PPP1R14C: variants seen among roughly 807,000 people sequenced by gnomAD.
PPP1R14C encodes protein phosphatase 1 regulatory inhibitor subunit 14C.
A neutral mutation model predicts 20.4 loss-of-function variants in PPP1R14C; 16 were observed. The observed-to-expected ratio is 0.78, with a 90% CI of 0.53 to 1.19. The LOEUF is 1.19. PPP1R14C is among the 50% of genes most tolerant of loss of function. PPP1R14C has a pLI of 0.00. For synonymous variants in PPP1R14C, 91 were observed against 91.0 expected, an observed-to-expected ratio of 1.00 and a Z score of 0.00; for missense variants, 211 against 220.1, an observed-to-expected ratio of 0.96 and a Z score of 0.26.
chr6:150,238,559 C>A (rs939143281), intron 3 of PPP1R14C, among the ~76,000 whole-genome samples: 1 of 152,258 alleles, frequency 6.6e-6, no homozygotes, highest in Non-Finnish European at 1.5e-5. Context: ...CTGACAGGGG[C>A]TGTCCTTTGC....
chr6:150,170,316 A>AT (rs1355745305), intron 1 of PPP1R14C, among the ~76,000 whole-genome samples: 1 of 147,210 alleles, frequency 6.8e-6, no homozygotes, highest in East Asian at 2.1e-4. Context: ...TGTGCTAGTT[A>AT]CTTTTTTTTT....
In PPP1R14C at chr6:150,143,626, G is replaced by A. The variant is rs560607402; in HGVS notation, c.306+128G>A. ...CTCCCGGGGACCAAGTGCCAGGAGC[G>A]AGGCGCGGCGCCTTCTCTCCCCCGC... On this transcript the variant is annotated intron_variant, in intron 1 of 3. Transcript: ENST00000361131. This position sits in a 1 kb window ranked among gnomAD's most constrained non-coding sequence, Gnocchi z 5.6. The A allele has an allele frequency of 2.9e-6, 2 of 683,498 alleles. No individual in the cohort carries two copies. The highest frequency in any genetic ancestry group is 4.7e-6 in the Non-Finnish European group (2 of 422,678). 42.3% of individuals were successfully genotyped at this position (683,498 alleles called of 1,614,324 possible).
At position 150,213,770 on chromosome 6, in the gene PPP1R14C, T is replaced by C. The variant is rs540617095; in HGVS notation, c.307-974T>C. ...GTTCAGATTCCAAATCAGTGGGGTC[T>C]TTCACCAAATCCATCTGGCCCTTCT... On this transcript the variant is annotated intron_variant, in intron 1 of 3. Transcript: ENST00000361131. Among the ~76,000 whole-genome samples the C allele has an allele frequency of 2.9e-3, 436 of 152,324 alleles. 2 individuals are homozygous for C. The highest frequency in any genetic ancestry group is 9.9e-3 in the African/African-American group (410 of 41,586).
intron 1 of PPP1R14C, among the ~76,000 whole-genome samples, chr6:150,174,617 A>G (rs553096934): frequency 2.0e-5 from 3 of 152,140 alleles, no homozygotes; most frequent in East Asian, 1.9e-4. Flanking sequence ...GCAGATATTC[A>G]GTGTTCAACG....
chr6:150,207,493 C>T (rs1246522223), intron 1 of PPP1R14C, among the ~76,000 whole-genome samples: 1 of 152,230 alleles, frequency 6.6e-6, no homozygotes, highest in African/African-American at 2.4e-5. Context: ...TCGTTCTTCA[C>T]TCCGGCATCC....
At chr6:150,195,488 C>T (rs1037262257) in intron 1 of PPP1R14C, among the ~76,000 whole-genome samples, 1 of 152,146 alleles carries the variant, frequency 6.6e-6, no homozygotes, top group African/African-American at 2.4e-5. Context: ...GCTGGAACTA[C>T]AGGCACCCAC....
intron 1 of PPP1R14C, among the ~76,000 whole-genome samples, chr6:150,172,745 G>A (rs1777513336): frequency 3.9e-5 from 6 of 152,138 alleles, no homozygotes. Context: ...GAGGGGTGCT[G>A]TAACTGATGT....
At chr6:150,245,467 C>CA (rs771605424) in intron 3 of PPP1R14C, among the ~76,000 whole-genome samples, 21 of 152,202 alleles carry the variant, frequency 1.4e-4, no homozygotes, top group Non-Finnish European at 2.1e-4. Context: ...CCGCCACAGT[C>CA]ACCCTGTCCA....
chr6:150,186,137 TA>T (rs1200823785), intron 1 of PPP1R14C, among the ~76,000 whole-genome samples: 1 of 152,160 alleles, frequency 6.6e-6, no homozygotes, highest in Non-Finnish European at 1.5e-5. Context: ...TCAGGGCTTC[TA>T]AAAAGGAATG....
At chr6:150,241,460 A>G (rs1398312645) in intron 3 of PPP1R14C, among the ~76,000 whole-genome samples, 3 of 152,208 alleles carry the variant, frequency 2.0e-5, no homozygotes, top group African/African-American at 4.8e-5. Flanking sequence ...GAGAACCTCA[A>G]TTCATAGCTG....
chr6:150,216,495 A>AAAACAAAC (rs1188953083), intron 2 of PPP1R14C, among the ~76,000 whole-genome samples: 1 of 152,134 alleles, frequency 6.6e-6, no homozygotes. Context: ...ATTCTGTCTC[A>AAAACAAAC]AAACAAACAA....
chr6:150,208,988 A>G (rs1220534292), intron 1 of PPP1R14C, among the ~76,000 whole-genome samples: 3 of 152,168 alleles, frequency 2.0e-5, no homozygotes, highest in Non-Finnish European at 4.4e-5. Flanking sequence ...TACGCTTCCT[A>G]TGCCAGTTTG....
At chr6:150,214,309 C>T (rs1054295479) in intron 1 of PPP1R14C, among the ~76,000 whole-genome samples, 5 of 152,162 alleles carry the variant, frequency 3.3e-5, no homozygotes, top group East Asian at 1.9e-4. Flanking sequence ...TGTCATCTCC[C>T]GGCTCTATCA....
At chr6:150,180,030 T>C (rs1182154533) in intron 1 of PPP1R14C, among the ~76,000 whole-genome samples, 1 of 152,112 alleles carries the variant, frequency 6.6e-6, no homozygotes, top group Non-Finnish European at 1.5e-5. Context: ...GACAAGACCC[T>C]GTCTCTACCA....
At chr6:150,190,616 G>A (rs551281077) in intron 1 of PPP1R14C, among the ~76,000 whole-genome samples, 1 of 151,964 alleles carries the variant, frequency 6.6e-6, no homozygotes, top group Non-Finnish European at 1.5e-5. Context: ...TAGTAGAGAC[G>A]GTGTTTCACA....
At chr6:150,162,211 C>A (rs1401068383) in intron 1 of PPP1R14C, among the ~76,000 whole-genome samples, 1 of 152,140 alleles carries the variant, frequency 6.6e-6, no homozygotes, top group Non-Finnish European at 1.5e-5. Context: ...TGCGCCTCAA[C>A]ATCCAGCTAA....
intron 2 of PPP1R14C, 36 bp downstream of exon 2, chr6:150,214,863 T>C (rs767305891): frequency 1.4e-6 from 2 of 1,460,134 alleles, no homozygotes; most frequent in Middle Eastern, 1.7e-4. Flanking sequence ...CTTCTAATCA[T>C]GGACACTTGA....
chr6:150,156,504 A>G (rs555222748), intron 1 of PPP1R14C, among the ~76,000 whole-genome samples: 2 of 152,340 alleles, frequency 1.3e-5, no homozygotes, highest in Admixed American at 6.5e-5. Context: ...ATTTCTGCTA[A>G]TGTTAATGGA....
intron 1 of PPP1R14C, among the ~76,000 whole-genome samples, chr6:150,188,459 G>A (rs1319381688): frequency 6.6e-6 from 1 of 151,548 alleles, no homozygotes; most frequent in East Asian, 1.9e-4. Context: ...TGATCGGTGT[G>A]GGAACAGAAG....
Sources: gnomAD v4.1 joint callset for allele counts (sites outside exome capture counted in the v4.1 genomes callset) on GRCh38, gnomAD v4.1.1 for gene constraint, Gnocchi (gnomAD v3.1) non-coding constraint, MANE v1.5 for transcripts, NCBI Gene and HGNC (gene_info 2026-07-23, HGNC 2026-07-21) for gene names.